RABGAP1L: variants seen among roughly 807,000 people sequenced by gnomAD.
RABGAP1L encodes rab GTPase-activating protein 1-like.
Under a neutral mutation model 137.7 loss-of-function variants are expected in RABGAP1L, and 63 were observed. That is an observed-to-expected ratio of 0.46 (90% confidence interval 0.37 to 0.56). The LOEUF is 0.56. RABGAP1L is among the 20% of genes least tolerant of loss of function. The pLI is 0.00. For synonymous variants in RABGAP1L, 431 were observed against 433.7 expected, an observed-to-expected ratio of 0.99 and a Z score of 0.08; for missense variants, 1,095 against 1,244.0, an observed-to-expected ratio of 0.88 and a Z score of 1.80.
At chr1:174,916,987 G>C (rs1660986191) in intron 19 of RABGAP1L, among the ~76,000 whole-genome samples, 1 of 152,232 alleles carries the variant, frequency 6.6e-6, no homozygotes, top group South Asian at 2.1e-4. Context: ...TGTTCCAGTA[G>C]ATTTGGTTCC....
intron 7 of RABGAP1L, among the ~76,000 whole-genome samples, chr1:174,267,944 C>T (rs1674211818): frequency 2.0e-5 from 3 of 152,142 alleles, no homozygotes; most frequent in Admixed American, 6.5e-5. Flanking sequence ...CACCACTGTA[C>T]ATAGTGACAA....
At chr1:174,227,785 A>G (rs1196088215) in intron 3 of RABGAP1L, among the ~76,000 whole-genome samples, 1 of 151,698 alleles carries the variant, frequency 6.6e-6, no homozygotes, top group Non-Finnish European at 1.5e-5. Flanking sequence ...GTTACCTTCT[A>G]GATTTTATGC....
chr1:174,560,769 A>G (rs890870776), intron 13 of RABGAP1L, among the ~76,000 whole-genome samples: 2 of 152,006 alleles, frequency 1.3e-5, no homozygotes, highest in African/African-American at 4.8e-5. Context: ...CTTTATGCCC[A>G]TGTGTACTCA....
chr1:174,305,981 T>G (rs1678199704), intron 11 of RABGAP1L, among the ~76,000 whole-genome samples: 1 of 152,184 alleles, frequency 6.6e-6, no homozygotes, highest in Admixed American at 6.5e-5. Flanking sequence ...GTTCTCATTG[T>G]TCACTTCTCA....
intron 14 of RABGAP1L, among the ~76,000 whole-genome samples, chr1:174,649,924 G>T (rs1179406607): frequency 6.6e-6 from 1 of 152,142 alleles, no homozygotes; most frequent in Non-Finnish European, 1.5e-5. Flanking sequence ...TTTTCAAAGG[G>T]AATGCTTCCA....
intron 13 of RABGAP1L, among the ~76,000 whole-genome samples, chr1:174,622,169 G>A (rs12069689): frequency 0.16 from 23,602 of 152,028 alleles, 6,062 homozygotes; most frequent in African/African-American, 0.54. Flanking sequence ...ATCTCACACC[G>A]GTTAGAATGG....
At chr1:174,709,895 G>T (rs982257344) in intron 17 of RABGAP1L, among the ~76,000 whole-genome samples, 1 of 152,108 alleles carries the variant, frequency 6.6e-6, no homozygotes, top group African/African-American at 2.4e-5. Flanking sequence ...AAGACACAGT[G>T]CAAGGGAGCC....
intron 1 of RABGAP1L, among the ~76,000 whole-genome samples, chr1:174,218,682 A>T (rs1057423343): frequency 6.6e-6 from 1 of 152,154 alleles, no homozygotes; most frequent in African/African-American, 2.4e-5. Flanking sequence ...TCTTGAGGAG[A>T]TAAGTTTTTT....
rs1192660550 is a variant in RABGAP1L at position 174,544,498 on chromosome 1, TA to T, written c.1711-92875del. ...TCTTTATTCTAGTTAGCCATTCGTCTAATCTTTCTTCATGGTTTTTAGCTTC... is the reference window on the plus strand; with the variant it reads ...TCTTTATTCTAGTTAGCCATTCGTCTATCTTTCTTCATGGTTTTTAGCTTC... On this transcript the variant is annotated intron_variant, in intron 13 of 25. Transcript: ENST00000681986. 3.3e-5 allele frequency among the ~76,000 whole-genome samples: 5 copies of T among 152,216 alleles called. No homozygotes were observed. The East Asian group carries it at 9.6e-4, about 29-fold the overall frequency.
intron 18 of RABGAP1L, chr1:174,800,499 C>A: frequency 1.3e-6 from 2 of 1,549,922 alleles, no homozygotes; most frequent in Non-Finnish European, 1.7e-6. Flanking sequence ...CGGCTTCTGG[C>A]GGTGAGATTG....
At chr1:174,848,452 G>T (rs1647441625) in intron 19 of RABGAP1L, among the ~76,000 whole-genome samples, 1 of 147,004 alleles carries the variant, frequency 6.8e-6, no homozygotes, top group Non-Finnish European at 1.5e-5. Flanking sequence ...TAACAGACAG[G>T]ACCCTCAGCT....
intron 11 of RABGAP1L, among the ~76,000 whole-genome samples, chr1:174,358,894 C>T (rs190091158): frequency 1.3e-5 from 2 of 152,158 alleles, no homozygotes; most frequent in East Asian, 1.9e-4. Flanking sequence ...ACTACTATCA[C>T]GAAGCTCATA....
At chr1:174,551,017 T>C (rs201309035) in intron 13 of RABGAP1L, among the ~76,000 whole-genome samples, 39 of 114,166 alleles carry the variant, frequency 3.4e-4, no homozygotes, top group East Asian at 1.2e-3. Context: ...TATATATATA[T>C]ATATACATAC....
rs1407261042 is a variant in RABGAP1L, at chr1:174,620,136, A to T, written c.1711-17239A>T. 2.0e-5 allele frequency among the ~76,000 whole-genome samples: 3 copies of T among 152,208 alleles called. No homozygotes were observed. The East Asian group carries it at 5.8e-4, about 29-fold the overall frequency. On this transcript the variant is annotated intron_variant, in intron 13 of 25. Transcript: ENST00000681986. ...ACAGGAGCACCCAGATTCATAATGG[A>T]AGCCGTTAGAGACCTGCAAGAGACT...
chr1:174,336,853 ATG>A (rs148867931), intron 11 of RABGAP1L, among the ~76,000 whole-genome samples: 11,528 of 146,254 alleles, frequency 0.079, 570 homozygotes, highest in East Asian at 0.31. Context: ...GTGTTTATAA[ATG>A]TGTGTGTGTG....
At chr1:174,275,751 G>A (rs1186494103) in intron 8 of RABGAP1L, 82 bp from the exon 9 acceptor site, 9 of 981,650 alleles carry the variant, frequency 9.2e-6, no homozygotes, top group East Asian at 5.2e-5. Flanking sequence ...TTAATAATTT[G>A]TATTGCTTAA....
intron 19 of RABGAP1L, among the ~76,000 whole-genome samples, chr1:174,937,045 T>A (rs149420138): frequency 0.016 from 2,366 of 146,732 alleles, 62 homozygotes; most frequent in African/African-American, 0.057. Context: ...AGTGGTATGA[T>A]CTCGGCTCAC....
intron 13 of RABGAP1L, among the ~76,000 whole-genome samples, chr1:174,611,433 C>G (rs12127805): frequency 0.81 from 122,177 of 150,718 alleles, 50,340 homozygotes; most frequent in African/African-American, 0.95. Context: ...TTTGGTACCA[C>G]TACCATGCTG....
chr1:174,664,734 CTTT>C (rs71701825), intron 14 of RABGAP1L, among the ~76,000 whole-genome samples: 1 of 97,576 alleles, frequency 1.0e-5, no homozygotes, highest in Non-Finnish European at 1.8e-5. Context: ...TTTCTGCTTT[CTTT>C]TTTTTTTTTT....
Sources: gnomAD v4.1 joint callset for allele counts (sites outside exome capture counted in the v4.1 genomes callset) on GRCh38, gnomAD v4.1.1 for gene constraint, MANE v1.5 for transcripts, NCBI Gene and HGNC (gene_info 2026-07-23, HGNC 2026-07-21) for gene names.